TMED4: variants seen among roughly 807,000 people sequenced by gnomAD.
TMED4 encodes transmembrane emp24 domain-containing protein 4.
A neutral mutation model predicts 26.5 loss-of-function variants in TMED4; 19 were observed. That is an observed-to-expected ratio of 0.72 (90% CI 0.50 to 1.05). The LOEUF is 1.05. TMED4 is among the 50% of genes least tolerant of loss of function. TMED4 has a pLI of 0.00. For missense variants in TMED4, 303 were observed against 302.5 expected, an observed-to-expected ratio of 1.00 and a Z score of -0.01; for synonymous variants, 121 against 119.8, an observed-to-expected ratio of 1.01 and a Z score of -0.07.
rs1042632627 is a variant in TMED4, at chr7:44,578,229, T to C, written c.*1250A>G. On this transcript the variant is annotated 3_prime_UTR_variant, in exon 5 of 5. Coordinates refer to ENST00000457408, the MANE Select transcript of TMED4 (RefSeq NM_182547.4). ...TGAAGTCCACTCCAGGTTATCTGCA[T>C]AGGTAGCCCAGGCACCTTTCCTCTT... The C allele has an allele frequency of 1.3e-5, 2 of 152,254 alleles. No homozygotes were observed. The highest frequency in any genetic ancestry group is 2.9e-5 in the Non-Finnish European group (2 of 68,056). The allele number at this position is 152,254 out of a possible 1,614,324, so 9.4% of individuals were successfully genotyped here.
chr7:44,578,400 G>C lies in TMED4; in HGVS notation c.*1079C>G, dbSNP rs1253410698. On this transcript the variant is annotated 3_prime_UTR_variant, in exon 5 of 5. Transcript: ENST00000457408. Reference sequence around the variant, plus strand: ...AACATTTAGCACAGCTTAAATAAAAGTTGAGAAGGAGGGTAAGAGTGCATT... The same window carrying C: ...AACATTTAGCACAGCTTAAATAAAACTTGAGAAGGAGGGTAAGAGTGCATT... The C allele has an allele frequency of 6.6e-6, 1 of 152,212 alleles. No homozygotes were observed. The highest frequency in any genetic ancestry group is 1.5e-5 in the Non-Finnish European group (1 of 68,038). The allele number at this position is 152,212 out of a possible 1,614,324, so 9.4% of individuals were successfully genotyped here. A position where few individuals can be genotyped will look rare whatever the true frequency, so the allele number is the denominator to read the frequency against.
At chr7:44,580,909 T>G in intron 4 of TMED4, 184 bp downstream of exon 4, 1 of 640,064 alleles carries the variant, frequency 1.6e-6, no homozygotes. Flanking sequence ...GATCATGGCA[T>G]TGCACTCCAG....
chr7:44,581,184 G>A lies in TMED4; in HGVS notation c.443C>T (p.Ala148Val), dbSNP rs761985992. The A allele has an allele frequency of 1.2e-6, 2 of 1,614,144 alleles. No individual in the cohort carries two copies. Among genetic ancestry groups the A allele is most frequent in the Admixed American group, 1.7e-5 (1 of 60,016 alleles). ...TAGCTCCGTCAGCTTATCTTTTGCA[G>A]CAATCTCAGGGTAGTTGTTGGCATG... ...GEHANNYPEI[A>V]AKDKLTELQL... Residue 148 changes from alanine (A) to valine (V), a missense_variant, in exon 4 of 5, where the codon GCT (alanine) becomes GTT (valine). By Grantham distance (64) the Ala-to-Val change is moderately conservative. Transcript: ENST00000457408.
chr7:44,581,966 C>G, intron 1 of TMED4, 81 bp downstream of exon 1: 1 of 1,524,200 alleles, frequency 6.6e-7, no homozygotes, highest in Non-Finnish European at 8.8e-7. Flanking sequence ...GAGCCAGCGA[C>G]CCGGCTGGGC....
intron 4 of TMED4, chr7:44,580,407 G>A (rs1802946939): frequency 6.6e-6 from 1 of 152,406 alleles, no homozygotes; most frequent in South Asian, 2.1e-4. Flanking sequence ...GAACCTGGGA[G>A]GCGGAGGGTG....
In TMED4 at chr7:44,581,726, G is replaced by A. The variant is rs764578837; in HGVS notation, c.258C>T (p.Gly86=). ...GMHVEVKDPD[G]KVVLSRQYGS... ...CGTGGGCCAACGCCAGCCTTACCTT[G>A]CCGTCGGGGTCCTTCACTTCCACGT... The change falls in exon 2 of 5, where the codon GGC becomes GGT. Residue 86 remains glycine, a synonymous_variant. Coordinates refer to ENST00000457408, the MANE Select transcript of TMED4 (RefSeq NM_182547.4). 3.1e-6 allele frequency: 5 copies of A among 1,614,084 alleles called. No homozygotes were observed. The Admixed American group carries it at 5.0e-5, about 16-fold the overall frequency.
At chr7:44,581,623 A>G (rs1316366541) in intron 2 of TMED4, 49 bp from the exon 3 acceptor site, 1 of 1,613,896 alleles carries the variant, frequency 6.2e-7, no homozygotes, top group Non-Finnish European at 8.5e-7. Context: ...CAGGCTCTCC[A>G]AGTGCAAGTT....
In TMED4 at chr7:44,578,861, C is replaced by CAAAAAAAAAAAAAAA. The variant is rs138565143; in HGVS notation, c.*603_*617dup. The CAAAAAAAAAAAAAAA allele has an allele frequency of 1.3e-5, 1 of 77,524 alleles. No homozygotes were observed. Among genetic ancestry groups the CAAAAAAAAAAAAAAA allele is most frequent in the Non-Finnish European group, 2.4e-5 (1 of 41,344 alleles). 4.8% of individuals were successfully genotyped at this position (77,524 alleles called of 1,614,324 possible). A position where few individuals can be genotyped will look rare whatever the true frequency, so the allele number is the denominator to read the frequency against. On this transcript the variant is annotated 3_prime_UTR_variant, in exon 5 of 5. Coordinates refer to ENST00000457408, the MANE Select transcript of TMED4 (RefSeq NM_182547.4). ...CAGCCTGGGCGACAAGAGCAAAACTCAAAAAAAAAAAAAAAAAAAAAAAAG... is the reference window on the plus strand; with the variant it reads ...CAGCCTGGGCGACAAGAGCAAAACTCAAAAAAAAAAAAAAAAAAAAAAAAAAAAAAAAAAAAAAAG...
Position 44,581,817 on chromosome 7 carries a change from T to C in TMED4, c.167A>G (p.Tyr56Cys). 1.2e-6 allele frequency: 2 copies of C among 1,614,118 alleles called. No homozygotes were observed. The highest frequency in any genetic ancestry group is 1.7e-6 in the Non-Finnish European group (2 of 1,180,016). ...IPDETMVIGN[Y>C]RTQMWDKQKE... is the part of the protein sequence containing the mutation. Reference sequence around the variant, plus strand: ...CTGCTTATCCCACATCTGGGTACGATAGTTGCCTGCGGGGCAGACACATAG... The same window carrying C: ...CTGCTTATCCCACATCTGGGTACGACAGTTGCCTGCGGGGCAGACACATAG... Residue 56 changes from tyrosine to cysteine, a missense_variant, in exon 2 of 5, where the codon TAT (tyrosine) becomes TGT (cysteine). Physicochemically the swap from Tyr to Cys is radical, Grantham distance 194 (BLOSUM62 -2). Transcript: ENST00000457408.
In TMED4 at chr7:44,578,435, T is replaced by G. The variant is rs1400978751; in HGVS notation, c.*1044A>C. On this transcript the variant is annotated 3_prime_UTR_variant, in exon 5 of 5. Transcript: ENST00000457408. The stretch of plus-strand genomic sequence containing the variant: ...AGGGTAAGAGTGCATTGCCCCATTC[T>G]AGCTCTGTTGCTACCTTACCTCTGA... 1 of 152,222 alleles carries G rather than the reference T, an allele frequency of 6.6e-6. No homozygotes were observed. Among genetic ancestry groups the G allele is most frequent in the Admixed American group, 6.5e-5 (1 of 15,268 alleles). 9.4% of individuals were successfully genotyped at this position (152,222 alleles called of 1,614,324 possible). A position where few individuals can be genotyped will look rare whatever the true frequency, so the allele number is the denominator to read the frequency against.
At position 44,582,048 on chromosome 7, in the gene TMED4, G is replaced by A. The variant is rs1398988608; in HGVS notation, c.159C>T (p.Ile53=). The change falls in exon 1 of 5, where the codon ATC becomes ATT. Residue 53 remains isoleucine, a splice_region_variant and synonymous_variant. Coordinates refer to ENST00000457408, the MANE Select transcript of TMED4 (RefSeq NM_182547.4). ...IEEIPDETMV[I]GNYRTQMWDK... is the part of the protein sequence containing the mutation. ...CTCCCCACCCTCAGCCCGCCTGACC[G>A]ATGACCATGGTCTCGTCGGGGATTT... is the stretch of plus-strand genomic sequence containing the variant. 1 of 1,558,692 alleles carries A rather than the reference G, an allele frequency of 6.4e-7. No homozygotes were observed. Among genetic ancestry groups the A allele is most frequent in the Non-Finnish European group, 8.7e-7 (1 of 1,150,552 alleles).
chr7:44,581,608 T>C (rs746687057), intron 2 of TMED4, 34 bp from the exon 3 acceptor site: 2 of 1,614,096 alleles, frequency 1.2e-6, no homozygotes, highest in South Asian at 2.2e-5. Flanking sequence ...CCCACCTTTA[T>C]ACCGCAGGCT....
In TMED4 at chr7:44,581,775, G is replaced by A. The variant is rs756034727; in HGVS notation, c.209C>T (p.Pro70Leu). Residue 70 changes from proline to leucine, a missense_variant, in exon 2 of 5, where the codon CCC becomes CTC. By Grantham distance (98) the Pro-to-Leu change is moderately conservative. Transcript: ENST00000457408. Reference sequence around the variant, plus strand: ...GTGCATGCCCAGGCCAGGGGTCGAGGGCAGGAAGACCTCCTTCTGCTTATC... The same window carrying A: ...GTGCATGCCCAGGCCAGGGGTCGAGAGCAGGAAGACCTCCTTCTGCTTATC... ...MWDKQKEVFLPSTPGLGMHVE... is the reference protein window; with the variant it reads ...MWDKQKEVFLLSTPGLGMHVE... The A allele has an allele frequency of 3.5e-5, 57 of 1,614,090 alleles. 1 individual carries two copies. The highest frequency in any genetic ancestry group is 1.5e-4 in the Admixed American group (9 of 60,010).
chr7:44,579,373 C>T lies in TMED4; in HGVS notation c.*106G>A, dbSNP rs1802909734. On this transcript the variant is annotated 3_prime_UTR_variant, in exon 5 of 5. Transcript: ENST00000457408. Reference sequence around the variant, plus strand: ...GTTTGTGGCCATGGAACCAATGTGACTTATTCTTTTTCATTTTTTTCCCTA... The same window carrying T: ...GTTTGTGGCCATGGAACCAATGTGATTTATTCTTTTTCATTTTTTTCCCTA... The T allele has an allele frequency of 7.6e-7, 1 of 1,317,800 alleles. No individual in the cohort carries two copies. The highest frequency in any genetic ancestry group is 2.2e-5 in the Admixed American group (1 of 45,710). The allele number at this position is 1,317,800 out of a possible 1,614,324, so 81.6% of individuals were successfully genotyped here.
intron 4 of TMED4, 192 bp downstream of exon 4, chr7:44,580,901 T>A: frequency 5.0e-6 from 3 of 601,798 alleles, no homozygotes; most frequent in South Asian, 4.1e-5. Flanking sequence ...TGAGCCAAGA[T>A]CATGGCATTG....
chr7:44,579,515 G>A lies in TMED4; in HGVS notation c.648C>T (p.His216=). 6.2e-7 allele frequency: 1 copy of A among 1,614,116 alleles called. No homozygotes were observed. Among genetic ancestry groups the A allele is most frequent in the Non-Finnish European group, 8.5e-7 (1 of 1,180,002 alleles). Residue 216 remains histidine, a synonymous_variant, in exon 5 of 5, where the codon CAC becomes CAT. Transcript: ENST00000457408. ...LILTGIWQMR[H]LKSFFEAKKL... ...TCTTGGCCTCAAAGAAGCTCTTGAG[G>A]TGACGCATCTGCCAGATGCCAGTGA...
At chr7:44,581,612 G>A in intron 2 of TMED4, 38 bp from the exon 3 acceptor site, 1 of 1,613,918 alleles carries the variant, frequency 6.2e-7, no homozygotes, top group Middle Eastern at 1.6e-4. Context: ...CCTTTATACC[G>A]CAGGCTCTCC....
chr7:44,579,347 G>T lies in TMED4; in HGVS notation c.*132C>A. 1.1e-6 allele frequency: 1 copy of T among 943,098 alleles called. No homozygotes were observed. The highest frequency in any genetic ancestry group is 1.6e-6 in the Non-Finnish European group (1 of 644,588). The allele number at this position is 943,098 out of a possible 1,614,324, so 58.4% of individuals were successfully genotyped here. ...GGGTCAGCAAGTGGCTGATCTGAAT[G>T]GTTTGTGGCCATGGAACCAATGTGA... On this transcript the variant is annotated 3_prime_UTR_variant, in exon 5 of 5. Transcript: ENST00000457408.
In TMED4 at chr7:44,579,201, CAG is replaced by C. The variant is rs1802905291; in HGVS notation, c.*276_*277del. On this transcript the variant is annotated 3_prime_UTR_variant, in exon 5 of 5. Transcript: ENST00000457408. ...TTTCATTTGCTTATTTAGTGAAAAA[CAG>C]AGGAAAATCACTCGAGGCAAAAGAA... is the stretch of plus-strand genomic sequence containing the variant. The C allele has an allele frequency of 7.0e-6, 2 of 284,384 alleles. No individual in the cohort carries two copies. Among genetic ancestry groups the C allele is most frequent in the South Asian group, 6.3e-5 (1 of 15,940 alleles). The allele number at this position is 284,384 out of a possible 1,614,324, so 17.6% of individuals were successfully genotyped here.
Sources: allele counts gnomAD v4.1 joint callset, GRCh38; gene constraint gnomAD v4.1.1; transcripts MANE v1.5; gene names NCBI Gene and HGNC (gene_info 2026-07-23, HGNC 2026-07-21).